Variants in SPATS2L observed in about 807,000 individuals in gnomAD.
The protein encoded by SPATS2L is spermatogenesis associated serine rich 2 like.
Under a neutral mutation model 59.6 loss-of-function variants are expected in SPATS2L, and 30 were observed. That is an observed-to-expected ratio of 0.50 (90% CI 0.38 to 0.68). The LOEUF (loss-of-function observed/expected upper bound fraction) is 0.68. Ranked by LOEUF, SPATS2L falls within the 30% of genes least tolerant of loss-of-function variation. SPATS2L has a pLI of 0.00. For missense variants in SPATS2L, 615 were observed against 700.0 expected (o/e 0.88, Z 1.37); for synonymous variants, 252 against 263.5 (o/e 0.96, Z 0.42).
chr2:200,324,517 A>C (rs2105780455), intron 1 of SPATS2L, among the ~76,000 whole-genome samples: 1 of 152,240 alleles, frequency 6.6e-6, no homozygotes, highest in East Asian at 1.9e-4. Flanking sequence ...CAAAGCTTTC[A>C]TTGAGCTCAT....
At chr2:200,306,471 G>C (rs2079014257), upstream of SPATS2L, 2 of 1,002,332 alleles carry the variant, frequency 2.0e-6, no homozygotes, top group African/African-American at 3.5e-5. Context: ...AAAGGAGCTA[G>C]GGAGGGCGTG....
intron 1 of SPATS2L, 65 bp from the exon 2 acceptor site, chr2:200,329,366 G>A (rs367889553): frequency 7.5e-7 from 1 of 1,330,368 alleles, no homozygotes. Flanking sequence ...GAGTGTGATG[G>A]GAAATGGGTG....
chr2:200,395,128 GATT>G (rs1464932847), intron 3 of SPATS2L, among the ~76,000 whole-genome samples: 1 of 152,166 alleles, frequency 6.6e-6, no homozygotes, highest in African/African-American at 2.4e-5. Flanking sequence ...GTCACTGTTA[GATT>G]ATTTCTGTGT....
At chr2:200,329,730 C>T (rs144252322) in intron 2 of SPATS2L, among the ~76,000 whole-genome samples, 2 of 151,196 alleles carry the variant, frequency 1.3e-5, no homozygotes, top group African/African-American at 2.4e-5. Flanking sequence ...TGCCTTGCCA[C>T]GTCTGTGGAT....
At chr2:200,476,457 T>G (rs2087524056) in intron 12 of SPATS2L, among the ~76,000 whole-genome samples, 1 of 152,268 alleles carries the variant, frequency 6.6e-6, no homozygotes, top group Admixed American at 6.5e-5. Context: ...GTAATTAGAA[T>G]TCCTATGCAT....
At chr2:200,458,567 C>T (rs926079983) in intron 8 of SPATS2L, among the ~76,000 whole-genome samples, 5 of 152,086 alleles carry the variant, frequency 3.3e-5, no homozygotes, top group African/African-American at 1.2e-4. Flanking sequence ...AAAATTCAGG[C>T]TTTGCACAAC....
At position 200,437,468 on chromosome 2, in the gene SPATS2L, C is replaced by T. The variant is rs77337627; in HGVS notation, c.446-1654C>T. Among the ~76,000 whole-genome samples the T allele has an allele frequency of 3.4e-3, 513 of 152,212 alleles. 3 individuals are homozygous for T. Among genetic ancestry groups the T allele is most frequent in the South Asian group, 0.018 (85 of 4,820 alleles). On this transcript the variant is annotated intron_variant, in intron 6 of 12. Transcript: ENST00000409140. The stretch of plus-strand genomic sequence containing the variant: ...AACTGGAATCTCTAGAAATGGTGTT[C>T]GGGAAGTTGCATGTGTAATAAGTAC...
At chr2:200,462,069 T>C (rs924083232) in intron 9 of SPATS2L, among the ~76,000 whole-genome samples, 1 of 152,254 alleles carries the variant, frequency 6.6e-6, no homozygotes, top group African/African-American at 2.4e-5. Flanking sequence ...GTAGATTATA[T>C]ACACAACTTG....
At chr2:200,322,827 A>G (rs1163105824) in intron 1 of SPATS2L, among the ~76,000 whole-genome samples, 1 of 152,116 alleles carries the variant, frequency 6.6e-6, no homozygotes, top group East Asian at 1.9e-4. Flanking sequence ...AAAAAACCCA[A>G]CTCTAGGAGT....
chr2:200,473,141 C>T (rs2087201993), intron 12 of SPATS2L, 89 bp downstream of exon 12: 1 of 1,282,506 alleles, frequency 7.8e-7, no homozygotes, highest in African/African-American at 1.5e-5. Flanking sequence ...AGATTCTGGG[C>T]CTCCTGGGGT....
chr2:200,349,069 T>C (rs1432082036), intron 2 of SPATS2L, among the ~76,000 whole-genome samples: 1 of 152,164 alleles, frequency 6.6e-6, no homozygotes, highest in Admixed American at 6.5e-5. Flanking sequence ...AACAGCCCTT[T>C]TTTAAAAAGA....
At chr2:200,397,252 C>T (rs1020158811) in intron 3 of SPATS2L, among the ~76,000 whole-genome samples, 8 of 152,120 alleles carry the variant, frequency 5.3e-5, no homozygotes, top group Non-Finnish European at 7.4e-5. Flanking sequence ...AAGAGCATGT[C>T]GAAAATGAAA....
intron 3 of SPATS2L, among the ~76,000 whole-genome samples, chr2:200,407,990 G>C (rs1379561664): frequency 2.6e-5 from 4 of 152,188 alleles, no homozygotes; most frequent in Non-Finnish European, 4.4e-5. Context: ...AAATGGCCAA[G>C]ATGAGGATTC....
intron 6 of SPATS2L, among the ~76,000 whole-genome samples, chr2:200,425,447 G>A (rs932459139): frequency 2.0e-5 from 3 of 152,040 alleles, no homozygotes; most frequent in Admixed American, 6.6e-5. Flanking sequence ...CTAAGAACCC[G>A]GGCTTTAGCG....
At chr2:200,324,353 AGCCCACCCAAG>A (rs1220408284) in intron 1 of SPATS2L, among the ~76,000 whole-genome samples, 3 of 152,144 alleles carry the variant, frequency 2.0e-5, no homozygotes, top group Non-Finnish European at 4.4e-5. Context: ...TGCAGTAGAG[AGCCCACCCAAG>A]GCCCACTGGT....
chr2:200,310,335 G>C (rs2079153176), intron 1 of SPATS2L, among the ~76,000 whole-genome samples: 1 of 152,172 alleles, frequency 6.6e-6, no homozygotes, highest in Non-Finnish European at 1.5e-5. Context: ...CACTGCCTCT[G>C]TGAAACTGTG....
chr2:200,378,181 G>C (rs986936486), intron 2 of SPATS2L: 1 of 996,702 alleles, frequency 1.0e-6, no homozygotes, highest in Non-Finnish European at 1.2e-6. Context: ...ACTCAGCCAC[G>C]CCCAAGATCC....
chr2:200,393,236 G>C (rs959128852), intron 3 of SPATS2L: 1 of 456,782 alleles, frequency 2.2e-6, no homozygotes, highest in African/African-American at 2.0e-5. Flanking sequence ...CATAGCAATT[G>C]ATCCCTGCAA....
chr2:200,439,578 T>C (rs966361475), intron 7 of SPATS2L, among the ~76,000 whole-genome samples: 2 of 152,216 alleles, frequency 1.3e-5, no homozygotes, highest in African/African-American at 4.8e-5. Flanking sequence ...GTTGTAGGCA[T>C]GGATAAACTT....
Sources: allele counts gnomAD v4.1 joint callset (sites outside exome capture counted in the v4.1 genomes callset), GRCh38; gene constraint gnomAD v4.1.1; transcripts MANE v1.5; gene names NCBI Gene and HGNC (gene_info 2026-07-23, HGNC 2026-07-21).